The following PDE1B variants were observed in gnomAD, a reference collection of about 807,000 sequenced individuals.
The protein encoded by PDE1B is dual specificity calcium/calmodulin-dependent 3',5'-cyclic nucleotide phosphodiesterase 1B.
In PDE1B, 13 loss-of-function variants were observed where a neutral mutation model predicts 66.7. The ratio of observed to expected loss-of-function variants is 0.19; its 90% CI spans 0.13 to 0.31. The LOEUF (loss-of-function observed/expected upper bound fraction) is 0.31. Among genes scored for constraint, PDE1B ranks in the 10% least tolerant of loss-of-function variants. The pLI is 1.00. For synonymous variants in PDE1B, 230 were observed against 253.9 expected (o/e 0.91, Z 0.90); for missense variants, 485 against 682.3 (o/e 0.71, Z 3.22).
chr12:54,559,975 C>A (rs147353756), intron 2 of PDE1B, among the ~76,000 whole-genome samples: 1 of 152,290 alleles, frequency 6.6e-6, no homozygotes, highest in Non-Finnish European at 1.5e-5. Context: ...GACACTGGGT[C>A]TAGTCCTTTC....
At chr12:54,550,052 A>G in intron 2 of PDE1B, 67 bp downstream of exon 2, 1 of 1,567,262 alleles carries the variant, frequency 6.4e-7, no homozygotes, top group Non-Finnish European at 8.7e-7. Context: ...AGGAGGGGGG[A>G]TAACTGGAGC....
chr12:54,571,149 C>T (rs1458440595), intron 6 of PDE1B: 2 of 152,218 alleles, frequency 1.3e-5, no homozygotes, highest in Non-Finnish European at 2.9e-5. Flanking sequence ...GGAGGGTCCC[C>T]TCCCAGGCCG....
chr12:54,552,334 G>T (rs73312514), intron 2 of PDE1B, among the ~76,000 whole-genome samples: 73 of 152,298 alleles, frequency 4.8e-4, no homozygotes, highest in African/African-American at 1.7e-3. Context: ...GTGGGAAGGG[G>T]TTGCTAAGTC....
intron 3 of PDE1B, chr12:54,568,978 T>C (rs1031319559): frequency 2.1e-5 from 16 of 755,922 alleles, no homozygotes; most frequent in Admixed American, 3.7e-5. Flanking sequence ...ATAGTTGGGA[T>C]GCTCACTACC....
intron 2 of PDE1B, among the ~76,000 whole-genome samples, chr12:54,565,997 G>A (rs1376317224): frequency 1.3e-5 from 2 of 152,174 alleles, no homozygotes; most frequent in Non-Finnish European, 2.9e-5. Context: ...TTGGTTTTAG[G>A]TGGGTGGGGC....
Position 54,573,425 on chromosome 12 carries a change from T to A in PDE1B, c.907T>A (p.Leu303Met). 1 of 1,614,060 alleles carries A rather than the reference T, an allele frequency of 6.2e-7. No individual in the cohort carries two copies. The highest frequency in any genetic ancestry group is 8.5e-7 in the Non-Finnish European group (1 of 1,179,956). The change falls in exon 9 of 16, where the codon TTG becomes ATG. Residue 303 changes from leucine (L) to methionine (M), a missense_variant. Leu to Met is a conservative substitution (Grantham distance 15, BLOSUM62 2). This residue lies in a region of PDE1B where 282 missense variants were observed against 453.4 expected (regional missense o/e 0.62). Coordinates refer to ENST00000243052, the MANE Select transcript of PDE1B (RefSeq NM_000924.4). This position sits in a 1 kb window ranked among gnomAD's most constrained non-coding sequence, Gnocchi z 5.2. The part of the protein sequence containing the change: ...ENHHISSVFR[L>M]MQDDEMNIFI... ...TCACCACATCAGCTCTGTTTTCCGA[T>A]TGATGCAGGATGATGAGATGAACAT... is the stretch of plus-strand genomic sequence containing the variant.
chr12:54,562,910 G>T (rs1279683857), intron 2 of PDE1B, among the ~76,000 whole-genome samples: 1 of 152,148 alleles, frequency 6.6e-6, no homozygotes, highest in Non-Finnish European at 1.5e-5. Flanking sequence ...AGCTATACAA[G>T]AGCTCCTGGA....
At chr12:54,552,664 T>A (rs559976504) in intron 2 of PDE1B, among the ~76,000 whole-genome samples, 1 of 152,350 alleles carries the variant, frequency 6.6e-6, no homozygotes, top group South Asian at 2.1e-4. Flanking sequence ...CAGAATCTAA[T>A]CTGTATCATA....
chr12:54,558,269 T>C (rs1219936292), intron 2 of PDE1B, among the ~76,000 whole-genome samples: 2 of 151,960 alleles, frequency 1.3e-5, no homozygotes, highest in African/African-American at 2.4e-5. Context: ...CTCATCTCCC[T>C]TCACCCTCCT....
intron 2 of PDE1B, among the ~76,000 whole-genome samples, chr12:54,566,433 T>G (rs1957517223): frequency 6.6e-6 from 1 of 152,228 alleles, no homozygotes; most frequent in Non-Finnish European, 1.5e-5. Flanking sequence ...CTTTGTTCTG[T>G]GCTTTTGCCA....
rs1463419827 is a variant in PDE1B at position 54,569,693 on chromosome 12, T to A, written c.477+81T>A. 1 of 957,550 alleles carries A rather than the reference T, an allele frequency of 1.0e-6. No homozygotes were observed. Among genetic ancestry groups the A allele is most frequent in the Non-Finnish European group, 1.7e-6 (1 of 605,588 alleles). 59.3% of individuals were successfully genotyped at this position (957,550 alleles called of 1,614,324 possible). The stretch of plus-strand genomic sequence containing the variant: ...GGACTTCTAGACCCTGTTTATGGCA[T>A]TATTTTTGCCTTCCTTTTTTTTTTT... On this transcript the variant is annotated intron_variant, in intron 5 of 15. Transcript: ENST00000243052. This position sits in a 1 kb window ranked among gnomAD's most constrained non-coding sequence, Gnocchi z 4.4.
Position 54,570,148 on chromosome 12 carries a change from C to G in PDE1B, c.478-93C>G. Reference sequence around the variant, plus strand: ...TACCATTTCTTTGCTTTCCTATTTACCAAGACTTTGTACTCATGGGAAGTC... The same window carrying G: ...TACCATTTCTTTGCTTTCCTATTTAGCAAGACTTTGTACTCATGGGAAGTC... On this transcript the variant is annotated intron_variant, in intron 5 of 15. Transcript: ENST00000243052. 3.9e-6 allele frequency: 3 copies of G among 763,932 alleles called. No homozygotes were observed. In the South Asian group the frequency reaches 4.3e-5, roughly 11 times the overall value. 47.3% of individuals were successfully genotyped at this position (763,932 alleles called of 1,614,324 possible).
At chr12:54,560,634 G>A (rs929858986) in intron 2 of PDE1B, among the ~76,000 whole-genome samples, 1 of 152,198 alleles carries the variant, frequency 6.6e-6, no homozygotes, top group Non-Finnish European at 1.5e-5. Context: ...TGGAGCTGCA[G>A]AGGCTGGGTT....
chr12:54,567,104 G>A lies in PDE1B; in HGVS notation c.227+17G>A, dbSNP rs1237838504. On this transcript the variant is annotated intron_variant, in intron 3 of 15. Transcript: ENST00000243052. ...TGAGACACGGTGAGAGAGACCGACA[G>A]ACAGAGAAGGAGAAAGATGTCAGAC... The A allele has an allele frequency of 1.6e-6, 2 of 1,278,238 alleles. No homozygotes were observed. The highest frequency in any genetic ancestry group is 2.3e-6 in the Non-Finnish European group (2 of 883,396). 79.2% of individuals were successfully genotyped at this position (1,278,238 alleles called of 1,614,324 possible). A position where few individuals can be genotyped will look rare whatever the true frequency, so the allele number is the denominator to read the frequency against.
intron 15 of PDE1B, 177 bp downstream of exon 15, chr12:54,577,522 C>G (rs562016880): frequency 1.3e-6 from 2 of 1,571,620 alleles, no homozygotes; most frequent in African/African-American, 2.7e-5. Flanking sequence ...AATCCTCCCA[C>G]GCTCTTCTGT....
intron 2 of PDE1B, chr12:54,554,454 T>C (rs1290722703): frequency 6.6e-6 from 1 of 152,272 alleles, no homozygotes; most frequent in East Asian, 1.9e-4. Context: ...AAAGGGAATC[T>C]CTTCTCCCTC....
chr12:54,572,660 C>T lies in PDE1B; in HGVS notation c.654C>T (p.Tyr218=). ...LDALETGYGK[Y]KNPYHNQIHA... ...CCTTGGAGACAGGCTATGGGAAGTA[C>T]AAGAATCCTTACCACAACCAGATCC... is the stretch of plus-strand genomic sequence containing the variant. Residue 218 remains tyrosine, a synonymous_variant, in exon 7 of 16, where the codon TAC becomes TAT. Transcript: ENST00000243052. The T allele has an allele frequency of 6.2e-7, 1 of 1,613,786 alleles. No individual in the cohort carries two copies. Among genetic ancestry groups the T allele is most frequent in the Non-Finnish European group, 8.5e-7 (1 of 1,179,656 alleles).
At chr12:54,561,777 TGTGTGC>T in intron 2 of PDE1B, 3 of 513,394 alleles carry the variant, frequency 5.8e-6, no homozygotes, top group Non-Finnish European at 1.0e-5. Context: ...TGTGTGTGTG[TGTGTGC>T]GCGTGCCAAC....
At chr12:54,559,714 C>T (rs1236295921) in intron 2 of PDE1B, among the ~76,000 whole-genome samples, 1 of 152,162 alleles carries the variant, frequency 6.6e-6, no homozygotes, top group Non-Finnish European at 1.5e-5. Flanking sequence ...CTCTTCGAGG[C>T]TTTTCTAGTC....
Sources: gnomAD v4.1 joint callset for allele counts (sites outside exome capture counted in the v4.1 genomes callset) on GRCh38, gnomAD v4.1.1 for gene constraint, gnomAD v4.1.1 regional missense constraint, Gnocchi (gnomAD v3.1) non-coding constraint, MANE v1.5 for transcripts, NCBI Gene and HGNC (gene_info 2026-07-23, HGNC 2026-07-21) for gene names.